LOC128092252: variants seen among roughly 807,000 people sequenced by gnomAD.
At chr15:50,653,154 C>CA in the LOC128092252 span, among the ~76,000 whole-genome samples, 4 of 152,004 alleles carry the variant, frequency 2.6e-5, no homozygotes, top group African/African-American at 9.7e-5. Flanking sequence ...CCCACTCCCC[C>CA]CAAAAAGAAA....
At chr15:50,657,890 C>T in the LOC128092252 span, 4 of 1,275,220 alleles carry the variant, frequency 3.1e-6, no homozygotes, top group Admixed American at 2.2e-5. Context: ...ATATAAAATA[C>T]ATAAAATACA....
At chr15:50,657,127 C>T in the LOC128092252 span, among the ~76,000 whole-genome samples, 1 of 152,138 alleles carries the variant, frequency 6.6e-6, no homozygotes, top group African/African-American at 2.4e-5. Flanking sequence ...AATTCAAGAC[C>T]AGCCTGGCCA....
At chr15:50,677,640 G>A in the LOC128092252 span, among the ~76,000 whole-genome samples, 3 of 149,936 alleles carry the variant, frequency 2.0e-5, no homozygotes, top group Non-Finnish European at 4.4e-5. Flanking sequence ...TCAGGAGGCT[G>A]AGGCAGAAGA....
the LOC128092252 span, among the ~76,000 whole-genome samples, chr15:50,667,008 ACCTGTT>A: frequency 6.6e-6 from 1 of 152,042 alleles, no homozygotes; most frequent in Non-Finnish European, 1.5e-5. Flanking sequence ...AGATCCAGGA[ACCTGTT>A]CCTGGGGTCT....
the LOC128092252 span, among the ~76,000 whole-genome samples, chr15:50,650,202 A>AG: frequency 8.5e-6 from 1 of 117,740 alleles, no homozygotes; most frequent in Admixed American, 7.8e-5. Context: ...CAAAAAAAAA[A>AG]AAAAAAAAAA....
chr15:50,660,821 A>G, the LOC128092252 span, among the ~76,000 whole-genome samples: 2 of 152,110 alleles, frequency 1.3e-5, no homozygotes, highest in Non-Finnish European at 2.9e-5. Flanking sequence ...CTAAGGGGGG[A>G]AAATCTTAAA....
chr15:50,659,854 G>A, the LOC128092252 span, among the ~76,000 whole-genome samples: 1 of 151,994 alleles, frequency 6.6e-6, no homozygotes, highest in African/African-American at 2.4e-5. Context: ...TTTTAGTAGA[G>A]ACGCGGTTTC....
At chr15:50,652,222 T>C in the LOC128092252 span, among the ~76,000 whole-genome samples, 5 of 147,224 alleles carry the variant, frequency 3.4e-5, no homozygotes, top group East Asian at 1.0e-3. Context: ...AATGCCAGCT[T>C]CTGAGGAGGC....
chr15:50,681,243 T>C, the LOC128092252 span, among the ~76,000 whole-genome samples: 1 of 131,966 alleles, frequency 7.6e-6, no homozygotes, highest in African/African-American at 3.4e-5. Context: ...CGAGCAAGAC[T>C]TCGTCTCAAA....
the LOC128092252 span, among the ~76,000 whole-genome samples, chr15:50,654,166 T>C: frequency 0.035 from 5,380 of 152,204 alleles, 319 homozygotes; most frequent in African/African-American, 0.12. Context: ...TAAAAAATTA[T>C]TGGCCGGGTG....
chr15:50,680,772 T>G, the LOC128092252 span, among the ~76,000 whole-genome samples: 1 of 152,130 alleles, frequency 6.6e-6, no homozygotes, highest in Non-Finnish European at 1.5e-5. Flanking sequence ...TCATCTGAGG[T>G]CTTACAAATA....
the LOC128092252 span, among the ~76,000 whole-genome samples, chr15:50,663,610 G>A: frequency 6.6e-6 from 1 of 152,146 alleles, no homozygotes; most frequent in Non-Finnish European, 1.5e-5. Context: ...CCTAGTTTGA[G>A]ATTCCCACTA....
At chr15:50,681,818 C>T in the LOC128092252 span, among the ~76,000 whole-genome samples, 12 of 152,066 alleles carry the variant, frequency 7.9e-5, no homozygotes, top group Non-Finnish European at 1.8e-4. Context: ...GACTTTAATC[C>T]TAATATTGCT....
chr15:50,680,378 T>C, the LOC128092252 span, among the ~76,000 whole-genome samples: 1 of 151,854 alleles, frequency 6.6e-6, no homozygotes. Context: ...CTGTCTCCAG[T>C]AAAAACACAA....
At chr15:50,675,258 G>A in the LOC128092252 span, among the ~76,000 whole-genome samples, 3,148 of 151,536 alleles carry the variant, frequency 0.021, 127 homozygotes, top group African/African-American at 0.073. Flanking sequence ...CAGGAGAATC[G>A]ACTGAACCCA....
the LOC128092252 span, among the ~76,000 whole-genome samples, chr15:50,664,017 T>C: frequency 4.6e-5 from 7 of 151,736 alleles, no homozygotes; most frequent in Admixed American, 4.6e-4. Context: ...TTGACAGATT[T>C]GGCCGCGTGC....
chr15:50,662,873 T>C, the LOC128092252 span: 1 of 892,792 alleles, frequency 1.1e-6, no homozygotes, highest in Non-Finnish European at 1.8e-6. Flanking sequence ...GTACAAATAA[T>C]TTATTTAGTG....
At chr15:50,685,657 T>C in the LOC128092252 span, among the ~76,000 whole-genome samples, 1 of 152,248 alleles carries the variant, frequency 6.6e-6, no homozygotes, top group African/African-American at 2.4e-5. Flanking sequence ...ATTCAAGTAC[T>C]GACCAAAAAT....
chr15:50,686,660 G>A, the LOC128092252 span: 54 of 1,364,780 alleles, frequency 4.0e-5, 1 homozygote, highest in Non-Finnish European at 3.0e-5. Context: ...AACGCCCAGG[G>A]AAACCTTCTC....
Sources: allele counts gnomAD v4.1 joint callset (sites outside exome capture counted in the v4.1 genomes callset), GRCh38; gene constraint gnomAD v4.1.1; transcripts MANE v1.5.